Variants in CADM1 observed in about 807,000 individuals in gnomAD.
CADM1 encodes the protein cell adhesion molecule 1, also known as TSLC-1.
CADM1 carries 15 observed loss-of-function variants against 53.1 expected under a neutral mutation model. The observed-to-expected ratio is 0.28, with a 90% CI of 0.19 to 0.44. The LOEUF (loss-of-function observed/expected upper bound fraction) is 0.44. Ranked by LOEUF, CADM1 falls within the 20% of genes least tolerant of loss-of-function variation. The pLI is 1.00. For synonymous variants in CADM1, 281 were observed against 243.0 expected (o/e 1.16, Z -1.45); for missense variants, 434 against 611.3 (o/e 0.71, Z 3.06).
chr11:115,415,283 T>A (rs1402134478), intron 1 of CADM1, among the ~76,000 whole-genome samples: 1 of 139,326 alleles, frequency 7.2e-6, no homozygotes, highest in East Asian at 2.1e-4. Flanking sequence ...AACCAAATGT[T>A]GGCTATTCTT....
intron 2 of CADM1, among the ~76,000 whole-genome samples, chr11:115,239,293 T>G (rs1942130734): frequency 6.6e-6 from 1 of 152,184 alleles, no homozygotes; most frequent in African/African-American, 2.4e-5. Context: ...TTGACGTGAT[T>G]TGAGGTGGAG....
At chr11:115,309,022 A>C (rs1250524043) in intron 1 of CADM1, among the ~76,000 whole-genome samples, 1 of 152,140 alleles carries the variant, frequency 6.6e-6, no homozygotes, top group African/African-American at 2.4e-5. Context: ...AGCAAGATGT[A>C]AATGGTATTC....
intron 7 of CADM1, among the ~76,000 whole-genome samples, chr11:115,210,775 T>C (rs1455472590): frequency 6.6e-6 from 1 of 152,224 alleles, no homozygotes; most frequent in African/African-American, 2.4e-5. Flanking sequence ...TTGGGTTTGG[T>C]GCAACTTCCC....
chr11:115,212,563 T>C (rs1230154049), intron 7 of CADM1, among the ~76,000 whole-genome samples: 1 of 152,190 alleles, frequency 6.6e-6, no homozygotes, highest in Non-Finnish European at 1.5e-5. Flanking sequence ...TGGATCCCTA[T>C]ATTTCTTGGT....
chr11:115,214,650 T>G lies in CADM1; in HGVS notation c.952A>C (p.Ile318Leu). 1 of 1,614,080 alleles carries G rather than the reference T, an allele frequency of 6.2e-7. No individual in the cohort carries two copies. The highest frequency in any genetic ancestry group is 8.5e-7 in the Non-Finnish European group (1 of 1,179,946). ...NGTYRCEASN[I>L]VGKAHSDYML... ...TAATCCGAGTGAGCTTTCCCCACTA[T>G]GTTTGAAGCTTCACAGCGGTATGTA... The change falls in exon 7 of 12, where the codon ATA (isoleucine) becomes CTA (leucine). Residue 318 changes from isoleucine (I) to leucine (L), a missense_variant. Physicochemically the swap from Ile to Leu is conservative, Grantham distance 5. Transcript: ENST00000331581.
At chr11:115,374,588 A>G (rs944898783) in intron 1 of CADM1, among the ~76,000 whole-genome samples, 5 of 152,202 alleles carry the variant, frequency 3.3e-5, no homozygotes, top group Non-Finnish European at 2.9e-5. Flanking sequence ...CATCACATGC[A>G]TACAAAAAGG....
chr11:115,214,880 G>A, intron 6 of CADM1, 100 bp from the exon 7 acceptor site: 2 of 1,145,710 alleles, frequency 1.7e-6, no homozygotes, highest in African/African-American at 1.5e-5. Context: ...AGGACCTACT[G>A]GAGATATTTT....
chr11:115,174,452 G>A lies in CADM1; in HGVS notation c.*2022C>T. The stretch of plus-strand genomic sequence containing the variant: ...ATTCATTGAAAAAGGGATGTTCATT[G>A]TGGCTTTTTGTCTTGGTTAAGTGCC... On this transcript the variant is annotated 3_prime_UTR_variant, in exon 12 of 12. Coordinates refer to ENST00000331581, the MANE Select transcript of CADM1 (RefSeq NM_001301043.2). 1 of 985,712 alleles carries A rather than the reference G, an allele frequency of 1.0e-6. No homozygotes were observed. The highest frequency in any genetic ancestry group is 1.2e-6 in the Non-Finnish European group (1 of 829,832). The allele number at this position is 985,712 out of a possible 1,614,324, so 61.1% of individuals were successfully genotyped here. A position where few individuals can be genotyped will look rare whatever the true frequency, so the allele number is the denominator to read the frequency against.
chr11:115,210,777 C>A (rs1940921280), intron 7 of CADM1, among the ~76,000 whole-genome samples: 1 of 152,138 alleles, frequency 6.6e-6, no homozygotes, highest in African/African-American at 2.4e-5. Flanking sequence ...GGGTTTGGTG[C>A]AACTTCCCAA....
At chr11:115,447,499 G>A (rs1948476896) in intron 1 of CADM1, among the ~76,000 whole-genome samples, 1 of 152,000 alleles carries the variant, frequency 6.6e-6, no homozygotes, top group Non-Finnish European at 1.5e-5. Context: ...AATGGATCTG[G>A]GCCCTTCAAA....
chr11:115,493,220 C>T (rs1949538275), intron 1 of CADM1, among the ~76,000 whole-genome samples: 1 of 151,310 alleles, frequency 6.6e-6, no homozygotes, highest in Non-Finnish European at 1.5e-5. Context: ...TGAAGGGGTT[C>T]CCACTGGCCA....
chr11:115,434,711 C>G (rs772897976), intron 1 of CADM1, among the ~76,000 whole-genome samples: 17 of 152,078 alleles, frequency 1.1e-4, no homozygotes, highest in Non-Finnish European at 8.8e-5. Context: ...TTTCACCTCT[C>G]CCCCTTGCCA....
intron 1 of CADM1, among the ~76,000 whole-genome samples, chr11:115,481,286 T>C (rs1949252609): frequency 6.6e-6 from 1 of 152,202 alleles, no homozygotes; most frequent in Non-Finnish European, 1.5e-5. Flanking sequence ...CTAAGTTCTA[T>C]AGCCATGGTG....
intron 1 of CADM1, among the ~76,000 whole-genome samples, chr11:115,324,858 A>G (rs955995009): frequency 2.6e-5 from 4 of 152,112 alleles, no homozygotes; most frequent in African/African-American, 9.7e-5. Context: ...AATTTGCTTG[A>G]GAGTTGGCAA....
intron 1 of CADM1, among the ~76,000 whole-genome samples, chr11:115,391,836 T>C (rs1946843955): frequency 6.6e-6 from 1 of 152,160 alleles, no homozygotes; most frequent in South Asian, 2.1e-4. Context: ...CGCCCATGCA[T>C]GCAGACAGGA....
At chr11:115,490,652 C>T (rs1389432355) in intron 1 of CADM1, among the ~76,000 whole-genome samples, 1 of 152,138 alleles carries the variant, frequency 6.6e-6, no homozygotes, top group Non-Finnish European at 1.5e-5. Context: ...CCCACCTGGG[C>T]CTCCCAAAGT....
intron 8 of CADM1, among the ~76,000 whole-genome samples, chr11:115,208,023 T>C (rs1374657490): frequency 6.6e-6 from 1 of 152,188 alleles, no homozygotes; most frequent in Non-Finnish European, 1.5e-5. Flanking sequence ...GAAGCATCTT[T>C]GATATGCTGG....
intron 1 of CADM1, among the ~76,000 whole-genome samples, chr11:115,470,137 TTAAAG>T (rs1948982323): frequency 6.6e-6 from 1 of 152,254 alleles, no homozygotes; most frequent in Non-Finnish European, 1.5e-5. Flanking sequence ...ACAATGCATG[TTAAAG>T]TATTCTGTAA....
chr11:115,238,278 G>A (rs1477237460), intron 3 of CADM1, among the ~76,000 whole-genome samples: 2 of 152,200 alleles, frequency 1.3e-5, no homozygotes, highest in Admixed American at 6.5e-5. Flanking sequence ...TCTGAAGCTT[G>A]AGGGTTGAAA....
Sources: allele counts gnomAD v4.1 joint callset (sites outside exome capture counted in the v4.1 genomes callset), GRCh38; gene constraint gnomAD v4.1.1; transcripts MANE v1.5; gene names NCBI Gene and HGNC (gene_info 2026-07-23, HGNC 2026-07-21).